Variants in FNDC1 observed in about 807,000 individuals in gnomAD.
FNDC1 encodes fibronectin type III domain-containing protein 1.
In FNDC1, 96 loss-of-function variants were observed where a neutral mutation model predicts 168.0. The ratio of observed to expected loss-of-function variants is 0.57; its 90% CI spans 0.48 to 0.68. The LOEUF (loss-of-function observed/expected upper bound fraction) is 0.68, where lower values mean the gene tolerates loss of function less well. FNDC1 is among the 30% of genes least tolerant of loss of function. The pLI is 0.00. For synonymous variants in FNDC1, 1,099 were observed against 1,025.9 expected, an observed-to-expected ratio of 1.07 and a Z score of -1.36; for missense variants, 2,587 against 2,482.1, an observed-to-expected ratio of 1.04 and a Z score of -0.90.
At chr6:159,269,596 T>C (rs1341549591) in intron 22 of FNDC1, among the ~76,000 whole-genome samples, 3 of 79,504 alleles carry the variant, frequency 3.8e-5, no homozygotes, top group African/African-American at 1.8e-4. Context: ...TCTGTCTGTC[T>C]GTCTATCTAT....
chr6:159,214,882 T>C, intron 4 of FNDC1, 63 bp from the exon 5 acceptor site: 1 of 1,462,948 alleles, frequency 6.8e-7, no homozygotes, highest in Non-Finnish European at 9.5e-7. Flanking sequence ...AGACCTCATG[T>C]GCATGATGGC....
rs1456606922 is a variant in FNDC1 at position 159,266,232 on chromosome 6, T to G, written c.5433T>G (p.Ser1811Arg). 6.2e-7 allele frequency: 1 copy of G among 1,613,852 alleles called. No homozygotes were observed. The highest frequency in any genetic ancestry group is 8.5e-7 in the Non-Finnish European group (1 of 1,179,864). Residue 1811 changes from serine to arginine, a missense_variant, in exon 21 of 23, where the codon AGT becomes AGG. Ser to Arg is a moderately radical substitution (Grantham distance 110, BLOSUM62 -1). Coordinates refer to ENST00000297267, the MANE Select transcript of FNDC1 (RefSeq NM_032532.3). Reference sequence around the variant, plus strand: ...CACTGAGGTATAAAATCTACCTCAGTGACAACCTGAAAGGTAAGTCTTTGT... The same window carrying G: ...CACTGAGGTATAAAATCTACCTCAGGGACAACCTGAAAGGTAAGTCTTTGT... ...CNSLRYKIYL[S>R]DNLKDTFYSI...
At chr6:159,185,745 A>T (rs1781982033) in intron 1 of FNDC1, among the ~76,000 whole-genome samples, 1 of 152,220 alleles carries the variant, frequency 6.6e-6, no homozygotes, top group South Asian at 2.1e-4. Flanking sequence ...AAATGGCAGG[A>T]CGAACCTCCC....
At chr6:159,239,095 A>G (rs117716423) in intron 13 of FNDC1, among the ~76,000 whole-genome samples, 1 of 152,226 alleles carries the variant, frequency 6.6e-6, no homozygotes, top group Admixed American at 6.5e-5. Context: ...CTGGAACACA[A>G]TACACTCACT....
In FNDC1 at chr6:159,271,711, G is replaced by A. The variant is rs1777752562; in HGVS notation, c.*269G>A. 1 of 302,564 alleles carries A rather than the reference G, an allele frequency of 3.3e-6. No homozygotes were observed. The highest frequency in any genetic ancestry group is 4.5e-5 in the Admixed American group (1 of 22,044). The allele number at this position is 302,564 out of a possible 1,614,324, so 18.7% of individuals were successfully genotyped here. A position where few individuals can be genotyped will look rare whatever the true frequency, so the allele number is the denominator to read the frequency against. Reference sequence around the variant, plus strand: ...GTAATAGCACATCCCAGAGACATCAGAAACCAGCAACTGATTCAGTGTGAT... The same window carrying A: ...GTAATAGCACATCCCAGAGACATCAAAAACCAGCAACTGATTCAGTGTGAT... On this transcript the variant is annotated 3_prime_UTR_variant, in exon 23 of 23. Coordinates refer to ENST00000297267, the MANE Select transcript of FNDC1 (RefSeq NM_032532.3).
chr6:159,249,145 A>C lies in FNDC1; in HGVS notation c.4797A>C (p.Glu1599Asp). ...AAGGCGCCATCAGTTCCTTTCCTGA[A>C]GAAGAATTTGATCTGGCTGGAAGGA... ...PEEGAISSFP[E>D]EEFDLAGRKR... is the part of the protein sequence containing the mutation. Residue 1599 changes from glutamate (E) to aspartate (D), a missense_variant, in exon 16 of 23, where the codon GAA becomes GAC. Physicochemically the swap from Glu to Asp is conservative, Grantham distance 45. Coordinates refer to ENST00000297267, the MANE Select transcript of FNDC1 (RefSeq NM_032532.3). 1 of 1,611,430 alleles carries C rather than the reference A, an allele frequency of 6.2e-7. No homozygotes were observed. Among genetic ancestry groups the C allele is most frequent in the Non-Finnish European group, 8.5e-7 (1 of 1,178,792 alleles).
At chr6:159,228,850 A>G (rs1783014613) in intron 9 of FNDC1, among the ~76,000 whole-genome samples, 2 of 151,942 alleles carry the variant, frequency 1.3e-5, no homozygotes, top group African/African-American at 4.8e-5. Flanking sequence ...TAATTTTTGT[A>G]TTTTAATAGA....
Position 159,249,128 on chromosome 6 carries a change from A to G in FNDC1, c.4780A>G (p.Ile1594Val), listed in dbSNP as rs1777203660. Reference sequence around the variant, plus strand: ...GAGGGTGATCCCAGAGGAAGGCGCCATCAGTTCCTTTCCTGAAGAAGAATT... The same window carrying G: ...GAGGGTGATCCCAGAGGAAGGCGCCGTCAGTTCCTTTCCTGAAGAAGAATT... ...TPRVIPEEGA[I>V]SSFPEEEFDL... Residue 1594 changes from isoleucine to valine, a missense_variant, in exon 16 of 23, where the codon ATC becomes GTC. Physicochemically the swap from Ile to Val is conservative, Grantham distance 29. Transcript: ENST00000297267. 1 of 1,610,974 alleles carries G rather than the reference A, an allele frequency of 6.2e-7. No individual in the cohort carries two copies. The highest frequency in any genetic ancestry group is 1.1e-5 in the South Asian group (1 of 90,036).
rs1356446566 is a variant in FNDC1 at position 159,265,128 on chromosome 6, A to G, written c.5284+124A>G. The G allele has an allele frequency of 6.3e-6, 5 of 788,276 alleles. No homozygotes were observed. The East Asian group carries it at 8.1e-5, about 13-fold the overall frequency. 48.8% of individuals were successfully genotyped at this position (788,276 alleles called of 1,614,324 possible). A position where few individuals can be genotyped will look rare whatever the true frequency, so the allele number is the denominator to read the frequency against. ...TTTTCACAATTTTCTGTCAACTTCT[A>G]TGCTTTCCTTGCACTCGTCATCCTG... is the stretch of plus-strand genomic sequence containing the variant. On this transcript the variant is annotated intron_variant, in intron 20 of 22. Transcript: ENST00000297267.
chr6:159,223,798 C>T (rs444708), intron 7 of FNDC1, among the ~76,000 whole-genome samples, 153 bp downstream of exon 7: 58,431 of 152,134 alleles, frequency 0.38, 14,377 homozygotes, highest in East Asian at 0.73. Flanking sequence ...CTATGACAAT[C>T]TAGTTAATCC....
chr6:159,194,722 A>G (rs1392064139), intron 1 of FNDC1, among the ~76,000 whole-genome samples: 3 of 152,188 alleles, frequency 2.0e-5, no homozygotes, highest in Non-Finnish European at 1.5e-5. Context: ...CAGTCAAGTA[A>G]TGTAAGCTCA....
intron 15 of FNDC1, among the ~76,000 whole-genome samples, chr6:159,247,279 G>A (rs191685558): frequency 6.6e-6 from 1 of 152,190 alleles, no homozygotes; most frequent in East Asian, 1.9e-4. Flanking sequence ...ATCCATCTGG[G>A]CTCCCCTTCA....
At chr6:159,178,743 T>C (rs1395242596) in intron 1 of FNDC1, among the ~76,000 whole-genome samples, 2 of 151,940 alleles carry the variant, frequency 1.3e-5, no homozygotes, top group African/African-American at 4.8e-5. Flanking sequence ...TGCAAGTGTT[T>C]TTCTTTTTTT....
In FNDC1 at chr6:159,221,465, G is replaced by T. The variant is rs574552340; in HGVS notation, c.668-133G>T. ...GCCCTTCATAGTCCTCAAGAAGTGG[G>T]AATACCCCCAGAAAGAGGAAACGGA... On this transcript the variant is annotated intron_variant, in intron 5 of 22. Transcript: ENST00000297267. The T allele has an allele frequency of 1.5e-3, 1,012 of 686,158 alleles. 6 individuals carry two copies. The highest frequency in any genetic ancestry group is 7.7e-3 in the Middle Eastern group (20 of 2,584). The allele number at this position is 686,158 out of a possible 1,614,324, so 42.5% of individuals were successfully genotyped here.
chr6:159,193,653 C>A (rs1782184672), intron 1 of FNDC1, among the ~76,000 whole-genome samples: 1 of 152,142 alleles, frequency 6.6e-6, no homozygotes, highest in African/African-American at 2.4e-5. Flanking sequence ...GGAGGCCTGT[C>A]TGTGCAAACT....
rs182692927 is a variant in FNDC1 at position 159,234,333 on chromosome 6, G to T, written c.3821G>T (p.Gly1274Val). The change falls in exon 11 of 23, where the codon GGC becomes GTC. Residue 1274 changes from glycine (G) to valine (V), a missense_variant. Transcript: ENST00000297267. The stretch of plus-strand genomic sequence containing the variant: ...GCTGCCACCGTGAGCCCCGTCGCGG[G>T]CACCCACCCCTGGCCGCAGTACACC... ...RSAATVSPVA[G>V]THPWPQYTTR... is the part of the protein sequence containing the mutation. The T allele has an allele frequency of 3.4e-4, 548 of 1,610,620 alleles. 3 individuals are homozygous for T. In the African/African-American group the frequency reaches 6.2e-3, roughly 18 times the overall value.
At chr6:159,262,016 G>A (rs948520275) in intron 19 of FNDC1, among the ~76,000 whole-genome samples, 17 of 152,198 alleles carry the variant, frequency 1.1e-4, no homozygotes, top group African/African-American at 3.9e-4. Context: ...GCTGAAAAGG[G>A]AGGATGGTTT....
At chr6:159,247,256 G>C (rs1777157838) in intron 15 of FNDC1, among the ~76,000 whole-genome samples, 1 of 151,970 alleles carries the variant, frequency 6.6e-6, no homozygotes, top group South Asian at 2.1e-4. Context: ...TGGACCCAAG[G>C]AATTCTGGAG....
chr6:159,231,761 G>T lies in FNDC1; in HGVS notation c.1370-121G>T, dbSNP rs571121996. 19 of 733,430 alleles carry T rather than the reference G, an allele frequency of 2.6e-5. No individual in the cohort carries two copies. The South Asian group carries it at 3.6e-4, about 14-fold the overall frequency. 45.4% of individuals were successfully genotyped at this position (733,430 alleles called of 1,614,324 possible). A position where few individuals can be genotyped will look rare whatever the true frequency, so the allele number is the denominator to read the frequency against. On this transcript the variant is annotated intron_variant, in intron 10 of 22. Coordinates refer to ENST00000297267, the MANE Select transcript of FNDC1 (RefSeq NM_032532.3). ...TTTCCAGTGTTCTAAGGAATTAGAA[G>T]TTAGCCATTATGACTACTGATTTGA...
Sources: allele counts gnomAD v4.1 joint callset (sites outside exome capture counted in the v4.1 genomes callset), GRCh38; gene constraint gnomAD v4.1.1; transcripts MANE v1.5; gene names NCBI Gene and HGNC (gene_info 2026-07-23, HGNC 2026-07-21).